The following TNR variants were observed in gnomAD, a reference collection of about 807,000 sequenced individuals.
The protein encoded by TNR is tenascin-R.
In TNR, 45 loss-of-function variants were observed where a neutral mutation model predicts 150.4. The ratio of observed to expected loss-of-function variants is 0.30; its 90% CI spans 0.24 to 0.38. TNR has a LOEUF of 0.38. TNR is among the 10% of genes least tolerant of loss of function. The pLI, the probability that TNR is intolerant of heterozygous loss-of-function variation, is 1.00. For missense variants in TNR, 1,544 were observed against 1,759.1 expected, an observed-to-expected ratio of 0.88 and a Z score of 2.19; for synonymous variants, 687 against 678.4, an observed-to-expected ratio of 1.01 and a Z score of -0.20.
chr1:175,493,003 TA>T (rs1271553187), intron 2 of TNR, among the ~76,000 whole-genome samples: 3 of 151,920 alleles, frequency 2.0e-5, no homozygotes, highest in Non-Finnish European at 4.4e-5. Context: ...GGTGGGTGGG[TA>T]GTCCCTCACA....
intron 2 of TNR, among the ~76,000 whole-genome samples, chr1:175,518,139 C>T (rs1571551779): frequency 6.6e-6 from 1 of 152,308 alleles, no homozygotes; most frequent in East Asian, 1.9e-4. Flanking sequence ...TATAATACTT[C>T]TGTAAGCAGT....
intron 1 of TNR, among the ~76,000 whole-genome samples, chr1:175,719,157 T>G (rs1014600492): frequency 6.6e-6 from 1 of 151,846 alleles, no homozygotes; most frequent in African/African-American, 2.4e-5. Context: ...GAAGCATGGG[T>G]GAGAAAAGGC....
At chr1:175,432,950 T>G (rs944656447) in intron 2 of TNR, among the ~76,000 whole-genome samples, 3 of 152,182 alleles carry the variant, frequency 2.0e-5, no homozygotes, top group Non-Finnish European at 4.4e-5. Context: ...ACTCAGAAAG[T>G]TGACCAGCTG....
At chr1:175,662,614 G>C (rs2101897584) in intron 1 of TNR, among the ~76,000 whole-genome samples, 1 of 152,360 alleles carries the variant, frequency 6.6e-6, no homozygotes, top group South Asian at 2.1e-4. Context: ...GAGGCAGGCA[G>C]GGATGAGCAT....
chr1:175,633,740 A>G (rs1181547406), intron 1 of TNR, among the ~76,000 whole-genome samples: 1 of 152,180 alleles, frequency 6.6e-6, no homozygotes, highest in Non-Finnish European at 1.5e-5. Flanking sequence ...GAAGAGAAAG[A>G]GTGAGATAAT....
intron 1 of TNR, among the ~76,000 whole-genome samples, chr1:175,531,039 G>T (rs1430681783): frequency 6.6e-6 from 1 of 152,176 alleles, no homozygotes; most frequent in African/African-American, 2.4e-5. Context: ...GAACTTGTCA[G>T]GGCATGCACC....
intron 2 of TNR, among the ~76,000 whole-genome samples, chr1:175,461,617 C>T (rs1019001286): frequency 3.3e-5 from 5 of 152,268 alleles, no homozygotes; most frequent in African/African-American, 1.2e-4. Context: ...GCTTCGATTT[C>T]TTTCTGTGAC....
intron 1 of TNR, among the ~76,000 whole-genome samples, chr1:175,714,913 G>C (rs1667114000): frequency 6.6e-6 from 1 of 152,192 alleles, no homozygotes; most frequent in Non-Finnish European, 1.5e-5. Context: ...CAGCAGGGGA[G>C]AGGCAGTCCC....
At chr1:175,724,521 A>G (rs1330069277) in intron 1 of TNR, among the ~76,000 whole-genome samples, 1 of 152,130 alleles carries the variant, frequency 6.6e-6, no homozygotes, top group Non-Finnish European at 1.5e-5. Flanking sequence ...TTACAATTCG[A>G]CATGAGATTT....
chr1:175,523,406 A>T (rs1659722017), intron 2 of TNR, among the ~76,000 whole-genome samples: 2 of 152,262 alleles, frequency 1.3e-5, no homozygotes, highest in Admixed American at 1.3e-4. Context: ...ATTCAACTAA[A>T]TAACCTTTTC....
At chr1:175,562,221 T>C (rs1218012501) in intron 1 of TNR, among the ~76,000 whole-genome samples, 1 of 152,208 alleles carries the variant, frequency 6.6e-6, no homozygotes, top group Non-Finnish European at 1.5e-5. Flanking sequence ...ATTTTTCTGG[T>C]CCATTTTTTC....
At chr1:175,330,006 C>T (rs1170819679) in intron 21 of TNR, 68 bp downstream of exon 21, 66 of 1,404,194 alleles carry the variant, frequency 4.7e-5, no homozygotes, top group Admixed American at 1.9e-4. Flanking sequence ...AGGCAGCTTA[C>T]GCCTAGAATC....
At chr1:175,492,959 G>A (rs1404042160) in intron 2 of TNR, among the ~76,000 whole-genome samples, 1 of 152,170 alleles carries the variant, frequency 6.6e-6, no homozygotes, top group Non-Finnish European at 1.5e-5. Context: ...CTGGTGGGGT[G>A]CAGGCATGAA....
At chr1:175,474,096 G>C (rs924004460) in intron 2 of TNR, among the ~76,000 whole-genome samples, 1 of 152,110 alleles carries the variant, frequency 6.6e-6, no homozygotes, top group African/African-American at 2.4e-5. Flanking sequence ...TCTATAATAT[G>C]AGATCTTCCC....
At chr1:175,326,548 G>A (rs1380759522) in intron 21 of TNR, among the ~76,000 whole-genome samples, 1 of 152,120 alleles carries the variant, frequency 6.6e-6, no homozygotes, top group East Asian at 1.9e-4. Context: ...CCAGTCTCCA[G>A]GGACTCAGAT....
In TNR at chr1:175,406,140, T is replaced by G. The variant is rs1041757435; in HGVS notation, c.499+76A>C. ...GTTTTCGCTGGAAGTGCATTGGTCC[T>G]TCTTGTTCACTCTCCCTCTCTGCTC... On this transcript the variant is annotated intron_variant, in intron 3 of 22. Transcript: ENST00000367674. The G allele has an allele frequency of 3.9e-6, 6 of 1,538,262 alleles. No homozygotes were observed. In the Admixed American group the frequency reaches 6.0e-5, roughly 15 times the overall value.
chr1:175,557,661 T>G (rs1398780016), intron 1 of TNR, among the ~76,000 whole-genome samples: 1 of 150,664 alleles, frequency 6.6e-6, no homozygotes, highest in African/African-American at 2.4e-5. Flanking sequence ...GGAACACTTT[T>G]ACACTGTTGG....
chr1:175,543,910 A>G (rs1660591403), intron 1 of TNR, among the ~76,000 whole-genome samples: 2 of 152,042 alleles, frequency 1.3e-5, no homozygotes, highest in South Asian at 2.1e-4. Context: ...AGGAAGTCAC[A>G]GAGAAAAAAA....
chr1:175,408,583 A>G (rs914442850), intron 2 of TNR, among the ~76,000 whole-genome samples: 11 of 152,154 alleles, frequency 7.2e-5, no homozygotes, highest in African/African-American at 2.7e-4. Flanking sequence ...GAGCCTATAG[A>G]GTCTCTGTTT....
Sources: gnomAD v4.1 joint callset for allele counts (sites outside exome capture counted in the v4.1 genomes callset) on GRCh38, gnomAD v4.1.1 for gene constraint, MANE v1.5 for transcripts, NCBI Gene and HGNC (gene_info 2026-07-23, HGNC 2026-07-21) for gene names.